Variants in MEGF8 observed in about 807,000 individuals in gnomAD.
MEGF8 encodes multiple epidermal growth factor-like domains protein 8.
MEGF8 carries 156 observed loss-of-function variants against 302.9 expected under a neutral mutation model. The ratio of observed to expected loss-of-function variants is 0.52; its 90% confidence interval spans 0.45 to 0.59. The LOEUF (loss-of-function observed/expected upper bound fraction) is 0.59, where lower values mean the gene tolerates loss of function less well. Among genes scored for constraint, MEGF8 ranks in the 20% least tolerant of loss-of-function variants. The pLI is 0.00. For synonymous variants in MEGF8, 1,621 were observed against 1,660.5 expected (o/e 0.98, Z 0.58); for missense variants, 3,345 against 3,964.5 (o/e 0.84, Z 4.20).
At chr19:42,327,761 G>C (rs982753604) in intron 1 of MEGF8, among the ~76,000 whole-genome samples, 5 of 152,214 alleles carry the variant, frequency 3.3e-5, no homozygotes, top group Non-Finnish European at 7.3e-5. Flanking sequence ...GGAAGCGGGA[G>C]AGTGATGCTT....
chr19:42,369,497 G>A lies in MEGF8; in HGVS notation c.6642-34G>A, dbSNP rs757515972. The A allele has an allele frequency of 1.9e-6, 3 of 1,583,568 alleles. No homozygotes were observed. The highest frequency in any genetic ancestry group is 2.2e-5 in the South Asian group (2 of 89,372). ...AGGCCATGAAGCCACGAGGAGGGTG[G>A]CCACCTGCCCTGACCCCCACTTTGC... On this transcript the variant is annotated intron_variant, in intron 37 of 41. Coordinates refer to ENST00000251268, the MANE Select transcript of MEGF8 (RefSeq NM_001271938.2). The surrounding 1 kb of genome is among the most constrained non-coding windows in gnomAD (Gnocchi z 5.7).
At position 42,352,092 on chromosome 19, in the gene MEGF8, A is replaced by C. The variant is rs540376418; in HGVS notation, c.3102-116A>C. On this transcript the variant is annotated intron_variant, in intron 18 of 41. Transcript: ENST00000251268. This position sits in a 1 kb window ranked among gnomAD's most constrained non-coding sequence, Gnocchi z 4.4. Reference sequence around the variant, plus strand: ...TCCTGGTTTCTCTGTCTCTCTTTCCAAATTTGTATTTGCATCCCTCTCCTT... The same window carrying C: ...TCCTGGTTTCTCTGTCTCTCTTTCCCAATTTGTATTTGCATCCCTCTCCTT... 3.0e-6 allele frequency: 4 copies of C among 1,328,984 alleles called. No homozygotes were observed. The East Asian group carries it at 7.7e-5, about 26-fold the overall frequency. The allele number at this position is 1,328,984 out of a possible 1,614,324, so 82.3% of individuals were successfully genotyped here.
rs1174723753 is a variant in MEGF8, at chr19:42,359,181, C to T, written c.5427C>T (p.Phe1809=). 8 of 1,604,002 alleles carry T rather than the reference C, an allele frequency of 5.0e-6. No individual in the cohort carries two copies. Among genetic ancestry groups the T allele is most frequent in the African/African-American group, 1.3e-5 (1 of 74,316 alleles). The change falls in exon 31 of 42, where the codon TTC becomes TTT. Residue 1809 remains phenylalanine, a synonymous_variant. Coordinates refer to ENST00000251268, the MANE Select transcript of MEGF8 (RefSeq NM_001271938.2). ...VLGGRSDPDE[F]SSDVLLYQVN... ...GGGGGCGCTCGGACCCTGACGAGTTCAGCAGCGACGTTCTGCTCTACCAGG... is the reference window on the plus strand; with the variant it reads ...GGGGGCGCTCGGACCCTGACGAGTTTAGCAGCGACGTTCTGCTCTACCAGG...
At position 42,355,836 on chromosome 19, in the gene MEGF8, G is replaced by T; in HGVS notation, c.4223G>T (p.Gly1408Val). 6.4e-7 allele frequency: 1 copy of T among 1,569,976 alleles called. No homozygotes were observed. The change falls in exon 24 of 42, where the codon GGG becomes GTG. Residue 1408 changes from glycine (G) to valine (V), a missense_variant. Coordinates refer to ENST00000251268, the MANE Select transcript of MEGF8 (RefSeq NM_001271938.2). ...FNASVGSARC[G>V]SGGPGSCPVP... ...GCTTCGGTGGGCTCTGCCCGCTGTG[G>T]GTCAGGGGGCCCCGGGAGCTGTCCC...
At position 42,356,140 on chromosome 19, in the gene MEGF8, C is replaced by G. The variant is rs1477987209; in HGVS notation, c.4450C>G (p.Leu1484Val). The G allele has an allele frequency of 3.2e-6, 5 of 1,576,394 alleles. No individual in the cohort carries two copies. The African/African-American group carries it at 4.0e-5, about 13-fold the overall frequency. Reference protein sequence around the residue: ...GFGGPDCATKLDGGQLVWETL... With the variant: ...GFGGPDCATKVDGGQLVWETL... Reference sequence around the variant, plus strand: ...CGGGGGCCCCGACTGCGCCACCAAGCTGGATGGCGGGCAGCTGGTCTGGGA... The same window carrying G: ...CGGGGGCCCCGACTGCGCCACCAAGGTGGATGGCGGGCAGCTGGTCTGGGA... Residue 1484 changes from leucine to valine, a missense_variant, in exon 25 of 42, where the codon CTG becomes GTG. Physicochemically the swap from Leu to Val is conservative, Grantham distance 32. Transcript: ENST00000251268. This position sits in a 1 kb window ranked among gnomAD's most constrained non-coding sequence, Gnocchi z 5.2.
chr19:42,337,064 C>T lies in MEGF8; in HGVS notation c.1391-20C>T, dbSNP rs2039138865. 1 of 1,613,448 alleles carries T rather than the reference C, an allele frequency of 6.2e-7. No homozygotes were observed. The highest frequency in any genetic ancestry group is 1.7e-5 in the Admixed American group (1 of 59,942). ...ACCTCCCCTAGGCTTGCCAGCTATG[C>T]CCCTTTCCTCCATTCCCAGGGGGCA... On this transcript the variant is annotated intron_variant, in intron 7 of 41. Transcript: ENST00000251268.
chr19:42,353,938 A>T lies in MEGF8; in HGVS notation c.3925A>T (p.Thr1309Ser), dbSNP rs2039414149. Residue 1309 changes from threonine to serine, a missense_variant, in exon 22 of 42, where the codon ACT becomes TCT. Coordinates refer to ENST00000251268, the MANE Select transcript of MEGF8 (RefSeq NM_001271938.2). This position sits in a 1 kb window ranked among gnomAD's most constrained non-coding sequence, Gnocchi z 6.1. Reference protein sequence around the residue: ...LSYCVWVVSATEELQPCAPGT... With the variant: ...LSYCVWVVSASEELQPCAPGT... ...CTACTGTGTGTGGGTTGTCTCGGCC[A>T]CTGAGGAGCTACAGCCCTGTGCTCC... 1.3e-6 allele frequency: 2 copies of T among 1,585,990 alleles called. No individual in the cohort carries two copies. The highest frequency in any genetic ancestry group is 1.7e-6 in the Non-Finnish European group (2 of 1,166,588).
At chr19:42,373,187 G>A (rs901815891) in intron 41 of MEGF8, among the ~76,000 whole-genome samples, 1 of 151,768 alleles carries the variant, frequency 6.6e-6, no homozygotes, top group Non-Finnish European at 1.5e-5. Context: ...CCGCCTCCCA[G>A]GTTCAAGCGA....
chr19:42,334,865 TTCTC>T (rs1191820934), intron 3 of MEGF8, among the ~76,000 whole-genome samples, 166 bp from the exon 4 acceptor site: 2 of 151,824 alleles, frequency 1.3e-5, no homozygotes, highest in African/African-American at 4.8e-5. Context: ...CTGTCTCCCT[TTCTC>T]TCTCTCTCTT....
intron 8 of MEGF8, 117 bp from the exon 9 acceptor site, chr19:42,343,360 A>T: frequency 8.7e-7 from 1 of 1,148,604 alleles, no homozygotes; most frequent in Non-Finnish European, 1.2e-6. Flanking sequence ...TGGGCAGGTG[A>T]GGTTGAAGCA....
At chr19:42,346,372 T>C (rs1483943854) in intron 12 of MEGF8, among the ~76,000 whole-genome samples, 1 of 151,900 alleles carries the variant, frequency 6.6e-6, no homozygotes, top group Non-Finnish European at 1.5e-5. Context: ...TGAAACCCTG[T>C]CTCTACTAAA....
intron 13 of MEGF8, 110 bp downstream of exon 13, chr19:42,348,582 A>C (rs2039323394): frequency 9.3e-7 from 1 of 1,073,324 alleles, no homozygotes; most frequent in South Asian, 1.7e-5. Context: ...GCTGGGGAGA[A>C]ATTAGAGGCA....
rs770315902 is a variant in MEGF8, at chr19:42,356,209, C to T, written c.4503+16C>T. On this transcript the variant is annotated intron_variant, in intron 25 of 41. Coordinates refer to ENST00000251268, the MANE Select transcript of MEGF8 (RefSeq NM_001271938.2). The surrounding 1 kb of genome is among the most constrained non-coding windows in gnomAD (Gnocchi z 5.2). ...CCTCTCAGCCGTGAGTTGTGGGTAC[C>T]CGCTGTCTAGGGATGGTTGCTCCCA... 6.6e-6 allele frequency: 10 copies of T among 1,515,258 alleles called. No individual in the cohort carries two copies. The South Asian group carries it at 1.0e-4, about 16-fold the overall frequency. The allele number at this position is 1,515,258 out of a possible 1,614,324, so 93.9% of individuals were successfully genotyped here. A position where few individuals can be genotyped will look rare whatever the true frequency, so the allele number is the denominator to read the frequency against.
In MEGF8 at chr19:42,326,445, G is replaced by T. The variant is rs1195793508; in HGVS notation, c.187+15G>T. 1 of 1,518,748 alleles carries T rather than the reference G, an allele frequency of 6.6e-7. No individual in the cohort carries two copies. The highest frequency in any genetic ancestry group is 8.8e-7 in the Non-Finnish European group (1 of 1,140,188). 94.1% of individuals were successfully genotyped at this position (1,518,748 alleles called of 1,614,324 possible). ...GCTCATCGAGGGTGAGTGGGGCCGC[G>T]TGGGTCACTCACTAATTCGCTGGTA... On this transcript the variant is annotated intron_variant, in intron 1 of 41. Coordinates refer to ENST00000251268, the MANE Select transcript of MEGF8 (RefSeq NM_001271938.2).
chr19:42,344,577 C>G lies in MEGF8; in HGVS notation c.1925C>G (p.Pro642Arg), dbSNP rs770165316. Residue 642 changes from proline (P) to arginine (R), a missense_variant, in exon 11 of 42, where the codon CCT (proline) becomes CGT (arginine). Physicochemically the swap from Pro to Arg is moderately radical, Grantham distance 103 (BLOSUM62 -2). Coordinates refer to ENST00000251268, the MANE Select transcript of MEGF8 (RefSeq NM_001271938.2). The surrounding 1 kb of genome is among the most constrained non-coding windows in gnomAD (Gnocchi z 4.5). ...TGCGTGCACAATGAGAGCTGCCTCC[C>G]TAGGCCTGGTGAGTGTCCGCAGCAG... Reference protein sequence around the residue: ...GWCVHNESCLPRPEQARCRGE... With the variant: ...GWCVHNESCLRRPEQARCRGE... 21 of 1,594,484 alleles carry G rather than the reference C, an allele frequency of 1.3e-5. No homozygotes were observed. The highest frequency in any genetic ancestry group is 1.7e-5 in the Non-Finnish European group (20 of 1,172,812).
At position 42,343,511 on chromosome 19, in the gene MEGF8, T is replaced by C. The variant is rs200112539; in HGVS notation, c.1548T>C (p.His516=). The C allele has an allele frequency of 1.6e-4, 264 of 1,612,956 alleles. 1 individual carries two copies. Among genetic ancestry groups the C allele is most frequent in the Non-Finnish European group, 4.3e-5 (51 of 1,179,288 alleles). Residue 516 remains histidine (H), a synonymous_variant, in exon 9 of 42, where the codon CAT becomes CAC. Transcript: ENST00000251268. ...CGCCTCCCAGTGGTCGGTACTCACA[T>C]GTAGCTGCGGTGCTTGGTGGCAGCG... ...RAAPPSGRYS[H]VAAVLGGSVL... is the part of the protein sequence containing the mutation.
At chr19:42,332,117 A>G (rs1160473310) in intron 1 of MEGF8, among the ~76,000 whole-genome samples, 3 of 151,748 alleles carry the variant, frequency 2.0e-5, no homozygotes, top group Non-Finnish European at 4.4e-5. Flanking sequence ...CTGGCCTCTC[A>G]AAAGTGCTGG....
Position 42,375,973 on chromosome 19 carries a change from C to T in MEGF8, c.7736C>T (p.Thr2579Met), listed in dbSNP as rs745623883. Residue 2579 changes from threonine (T) to methionine (M), a missense_variant, in exon 42 of 42, where the codon ACG becomes ATG. By Grantham distance (81) the Thr-to-Met change is moderately conservative. Transcript: ENST00000251268. This position sits in a 1 kb window ranked among gnomAD's most constrained non-coding sequence, Gnocchi z 7.1. ...VWPRGLITYVTVTEPSAVLVV... is the reference protein window; with the variant it reads ...VWPRGLITYVMVTEPSAVLVV... Reference sequence around the variant, plus strand: ...CCGCGGGGCCTGATTACCTACGTGACGGTGACGGAGCCGTCGGCAGTGCTG... The same window carrying T: ...CCGCGGGGCCTGATTACCTACGTGATGGTGACGGAGCCGTCGGCAGTGCTG... 1.2e-5 allele frequency: 19 copies of T among 1,606,908 alleles called. No individual in the cohort carries two copies. The highest frequency in any genetic ancestry group is 4.0e-5 in the African/African-American group (3 of 74,860).
At chr19:42,328,589 T>TGTGTGTGTGTGTGTGTGTGG (rs1281441595) in intron 1 of MEGF8, among the ~76,000 whole-genome samples, 15 of 151,716 alleles carry the variant, frequency 9.9e-5, no homozygotes, top group African/African-American at 3.6e-4. Context: ...TGTGTGTGTG[T>TGTGTGTGTGTGTGTGTGTGG]GGCGAAGGGG....
Sources: gnomAD v4.1 joint callset for allele counts (sites outside exome capture counted in the v4.1 genomes callset) on GRCh38, gnomAD v4.1.1 for gene constraint, Gnocchi (gnomAD v3.1) non-coding constraint, MANE v1.5 for transcripts, NCBI Gene and HGNC (gene_info 2026-07-23, HGNC 2026-07-21) for gene names.